Variants in CRACD observed in about 807,000 individuals in gnomAD.
CRACD encodes the protein capping protein inhibiting regulator of actin dynamics, also known as capping protein-inhibiting regulator of actin dynamics.
In CRACD, 56 loss-of-function variants were observed where a neutral mutation model predicts 106.8. The observed-to-expected ratio is 0.52, with a 90% CI of 0.42 to 0.66. CRACD has a LOEUF of 0.66. Among genes scored for constraint, CRACD ranks in the 30% least tolerant of loss-of-function variants. The pLI, the probability that CRACD is intolerant of heterozygous loss-of-function variation, is 0.00. For missense variants in CRACD, 1,730 were observed against 1,623.2 expected, an observed-to-expected ratio of 1.07 and a Z score of -1.13; for synonymous variants, 754 against 670.8, an observed-to-expected ratio of 1.12 and a Z score of -1.92.
At chr4:56,186,421 A>G (rs1737097877) in intron 2 of CRACD, among the ~76,000 whole-genome samples, 1 of 152,180 alleles carries the variant, frequency 6.6e-6, no homozygotes, top group Non-Finnish European at 1.5e-5. Context: ...ACTATATGCT[A>G]GGGAGGACTG....
At chr4:56,254,397 G>GT (rs1741222793) in intron 2 of CRACD, among the ~76,000 whole-genome samples, 1 of 93,170 alleles carries the variant, frequency 1.1e-5, no homozygotes. Context: ...GTTTTGTGGG[G>GT]GTTTTTTTTT....
At chr4:56,274,888 C>A (rs1742591817) in intron 3 of CRACD, among the ~76,000 whole-genome samples, 1 of 152,160 alleles carries the variant, frequency 6.6e-6, no homozygotes. Context: ...ACCTAAATAC[C>A]CATCAGTGAC....
chr4:56,195,409 G>T (rs1278546740), intron 2 of CRACD, among the ~76,000 whole-genome samples: 2 of 152,182 alleles, frequency 1.3e-5, no homozygotes, highest in East Asian at 3.9e-4. Context: ...CTTCAAAAAT[G>T]GGGTTAATCC....
At chr4:56,121,554 G>T (rs1734484114) in intron 1 of CRACD, among the ~76,000 whole-genome samples, 1 of 152,092 alleles carries the variant, frequency 6.6e-6, no homozygotes, top group Non-Finnish European at 1.5e-5. Flanking sequence ...TTAGGCAGGG[G>T]AATTGCTTGA....
chr4:56,215,615 C>A (rs974711630), intron 2 of CRACD, among the ~76,000 whole-genome samples: 3 of 152,126 alleles, frequency 2.0e-5, no homozygotes, highest in African/African-American at 7.2e-5. Flanking sequence ...CCTGTTTATG[C>A]CCCTGACAGT....
intron 1 of CRACD, among the ~76,000 whole-genome samples, chr4:56,152,145 G>A (rs2109891842): frequency 1.3e-5 from 2 of 151,394 alleles, no homozygotes; most frequent in African/African-American, 4.8e-5. Flanking sequence ...GAGTAGCTGG[G>A]ACTACAGGTG....
chr4:56,306,218 G>A (rs1744684793), intron 4 of CRACD, among the ~76,000 whole-genome samples: 1 of 152,204 alleles, frequency 6.6e-6, no homozygotes, highest in African/African-American at 2.4e-5. Flanking sequence ...ATCAGGCCAG[G>A]TGTGGTGGCT....
At chr4:56,087,710 C>T (rs192269674) in intron 1 of CRACD, among the ~76,000 whole-genome samples, 1 of 152,278 alleles carries the variant, frequency 6.6e-6, no homozygotes, top group African/African-American at 2.4e-5. Context: ...GGTTCAATGC[C>T]CACAGACATC....
At chr4:56,150,078 A>C (rs916909690) in intron 1 of CRACD, among the ~76,000 whole-genome samples, 7 of 152,232 alleles carry the variant, frequency 4.6e-5, no homozygotes, top group African/African-American at 1.7e-4. Flanking sequence ...ACCCTCAAGA[A>C]GCCCAAATTC....
chr4:56,314,596 A>C lies in CRACD; in HGVS notation c.1094A>C (p.Glu365Ala), dbSNP rs891113580. ...AEELKRQEEE[E>A]AEGWEELEQQ... The stretch of plus-strand genomic sequence containing the variant: ...GAGCTCAAAAGGCAGGAGGAGGAGG[A>C]GGCTGAGGGATGGGAAGAGCTGGAA... Residue 365 changes from glutamate (E) to alanine (A), a missense_variant, in exon 8 of 11, where the codon GAG becomes GCG. By Grantham distance (107) the Glu-to-Ala change is moderately radical. Coordinates refer to ENST00000682029, the MANE Select transcript of CRACD (RefSeq NM_001393381.1). The surrounding 1 kb of genome is among the most constrained non-coding windows in gnomAD (Gnocchi z 4.4). The C allele has an allele frequency of 2.6e-6, 4 of 1,523,568 alleles. No individual in the cohort carries two copies. The highest frequency in any genetic ancestry group is 3.5e-6 in the Non-Finnish European group (4 of 1,135,576). The allele number at this position is 1,523,568 out of a possible 1,614,324, so 94.4% of individuals were successfully genotyped here. A position where few individuals can be genotyped will look rare whatever the true frequency, so the allele number is the denominator to read the frequency against.
Position 56,170,572 on chromosome 4 carries a change from G to T in CRACD, c.-335-8712G>T, listed in dbSNP as rs376593357. Among the ~76,000 whole-genome samples the T allele has an allele frequency of 8.5e-5, 13 of 152,240 alleles. No individual in the cohort carries two copies. The East Asian group carries it at 1.9e-3, about 23-fold the overall frequency. ...ATTCTGTGAATAGACTGGGCGCAGTGGTTTGCACCTGTAATCTCAGCACTT... is the reference window on the plus strand; with the variant it reads ...ATTCTGTGAATAGACTGGGCGCAGTTGTTTGCACCTGTAATCTCAGCACTT... On this transcript the variant is annotated intron_variant, in intron 1 of 10. Coordinates refer to ENST00000682029, the MANE Select transcript of CRACD (RefSeq NM_001393381.1).
chr4:56,179,983 C>T (rs1160367663), intron 2 of CRACD, among the ~76,000 whole-genome samples: 1 of 151,702 alleles, frequency 6.6e-6, no homozygotes, highest in East Asian at 1.9e-4. Flanking sequence ...TGCCACTGCA[C>T]TCCAGCCCGG....
chr4:56,080,243 G>C (rs1732977501), intron 1 of CRACD, among the ~76,000 whole-genome samples: 1 of 152,070 alleles, frequency 6.6e-6, no homozygotes, highest in African/African-American at 2.4e-5. Context: ...AAACTGAACT[G>C]TATGGGGTTA....
intron 1 of CRACD, among the ~76,000 whole-genome samples, chr4:56,118,256 T>TA (rs35095681): frequency 0.68 from 103,838 of 151,986 alleles, 36,395 homozygotes; most frequent in African/African-American, 0.84. Context: ...TCATTTTGTA[T>TA]ATCCAAAGGC....
intron 3 of CRACD, among the ~76,000 whole-genome samples, chr4:56,274,503 T>G (rs920846615): frequency 2.6e-5 from 4 of 152,208 alleles, no homozygotes; most frequent in African/African-American, 7.2e-5. Context: ...TCTTCCCATT[T>G]AAGTCTTATA....
intron 4 of CRACD, among the ~76,000 whole-genome samples, chr4:56,300,738 T>C (rs1364703985): frequency 1.3e-5 from 2 of 152,186 alleles, no homozygotes; most frequent in African/African-American, 4.8e-5. Context: ...TGATACCTGC[T>C]CTGTCACATC....
At chr4:56,190,220 T>C (rs928710060) in intron 2 of CRACD, among the ~76,000 whole-genome samples, 6 of 150,816 alleles carry the variant, frequency 4.0e-5, no homozygotes, top group African/African-American at 1.2e-4. Context: ...AGTCTATCAT[T>C]GTTGGACATT....
At chr4:56,143,620 T>G (rs1560463228) in intron 1 of CRACD, among the ~76,000 whole-genome samples, 1 of 152,176 alleles carries the variant, frequency 6.6e-6, no homozygotes, top group Non-Finnish European at 1.5e-5. Context: ...TTCTTAGGTT[T>G]CCTAATTTTG....
intron 2 of CRACD, among the ~76,000 whole-genome samples, chr4:56,243,328 A>G (rs1423124610): frequency 6.6e-6 from 1 of 152,214 alleles, no homozygotes; most frequent in Non-Finnish European, 1.5e-5. Flanking sequence ...ACCAAAGATC[A>G]AGGCCTTAGG....
Sources: allele counts gnomAD v4.1 joint callset (sites outside exome capture counted in the v4.1 genomes callset), GRCh38; gene constraint gnomAD v4.1.1; non-coding constraint Gnocchi (gnomAD v3.1); transcripts MANE v1.5; gene names NCBI Gene and HGNC (gene_info 2026-07-23, HGNC 2026-07-21).